Variants in SLC39A11 observed in about 807,000 individuals in gnomAD.
The protein encoded by SLC39A11 is solute carrier family 39 member 11, also known as zinc transporter ZIP11.
In SLC39A11, 33 loss-of-function variants were observed where a neutral mutation model predicts 36.1. The observed-to-expected ratio is 0.91, with a 90% CI of 0.69 to 1.22. The LOEUF (loss-of-function observed/expected upper bound fraction) is 1.22, where lower values mean the gene tolerates loss of function less well. Ranked by LOEUF, SLC39A11 falls within the 50% of genes most tolerant of loss-of-function variation. The pLI is 0.00. For missense variants in SLC39A11, 432 were observed against 430.3 expected (o/e 1.00, Z -0.03); for synonymous variants, 166 against 170.3 (o/e 0.97, Z 0.20).
At chr17:72,760,521 C>A (rs1317821055) in intron 6 of SLC39A11, among the ~76,000 whole-genome samples, 2 of 152,136 alleles carry the variant, frequency 1.3e-5, no homozygotes, top group African/African-American at 4.8e-5. Flanking sequence ...GGCCACTGAG[C>A]CAAGCCAATC....
chr17:72,652,836 C>T (rs191826597), intron 7 of SLC39A11, among the ~76,000 whole-genome samples: 231 of 152,286 alleles, frequency 1.5e-3, no homozygotes, highest in African/African-American at 5.4e-3. Flanking sequence ...AACCACTGTG[C>T]AACCTGAAGG....
intron 5 of SLC39A11, among the ~76,000 whole-genome samples, chr17:72,867,760 GCACA>G (rs887444124): frequency 0.022 from 1,778 of 80,498 alleles, 23 homozygotes; most frequent in Admixed American, 0.089. Context: ...AAGTGCGCGC[GCACA>G]CACACACACA....
chr17:72,903,176 G>A (rs1437027519), intron 5 of SLC39A11, among the ~76,000 whole-genome samples: 1 of 144,972 alleles, frequency 6.9e-6, no homozygotes, highest in East Asian at 2.2e-4. Context: ...TGAAGCAGGA[G>A]AACTATTTGA....
At chr17:72,930,053 TTC>T (rs991784112) in intron 5 of SLC39A11, among the ~76,000 whole-genome samples, 1 of 152,200 alleles carries the variant, frequency 6.6e-6, no homozygotes, top group Non-Finnish European at 1.5e-5. Context: ...AAAATACAGT[TTC>T]TGAGTTGAAA....
chr17:73,032,245 C>T lies in SLC39A11; in HGVS notation c.148-531G>A, dbSNP rs142689002. Among the ~76,000 whole-genome samples the T allele has an allele frequency of 5.3e-4, 80 of 150,794 alleles. 1 individual carries two copies. In the East Asian group the frequency reaches 0.014, roughly 27 times the overall value. ...TTTCTGAGATGGAGACTTTCTCTGT[C>T]ACCCAGGCTGGAGTGCAGTGGCACA... is the stretch of plus-strand genomic sequence containing the variant. On this transcript the variant is annotated intron_variant, in intron 3 of 9. Coordinates refer to ENST00000255559, the MANE Select transcript of SLC39A11 (RefSeq NM_139177.4).
At chr17:72,876,676 T>C (rs953161654) in intron 5 of SLC39A11, among the ~76,000 whole-genome samples, 3 of 152,200 alleles carry the variant, frequency 2.0e-5, no homozygotes, top group African/African-American at 7.2e-5. Context: ...GTGCTTCCTA[T>C]TGACCAACTC....
rs144564734 is a variant in SLC39A11, at chr17:72,906,438, C to A, written c.430+41314G>T. On this transcript the variant is annotated intron_variant, in intron 5 of 9. Coordinates refer to ENST00000255559, the MANE Select transcript of SLC39A11 (RefSeq NM_139177.4). ...GCTTCCTTCCTACCCAAAACCAGAA[C>A]GGGGCTTGGCTGGGTCTGTGCACAC... is the stretch of plus-strand genomic sequence containing the variant. Among the ~76,000 whole-genome samples, 665 of 152,332 alleles carry A rather than the reference C, an allele frequency of 4.4e-3. 4 individuals are homozygous for A. The highest frequency in any genetic ancestry group is 0.015 in the African/African-American group (636 of 41,576).
intron 4 of SLC39A11, among the ~76,000 whole-genome samples, chr17:73,027,877 T>C (rs539465345): frequency 1.3e-5 from 2 of 152,182 alleles, no homozygotes; most frequent in South Asian, 4.1e-4. Context: ...GACTTCCGCA[T>C]CTCCTTATTT....
chr17:72,870,825 C>T (rs973981518), intron 5 of SLC39A11, among the ~76,000 whole-genome samples: 5 of 152,172 alleles, frequency 3.3e-5, no homozygotes, highest in African/African-American at 7.2e-5. Flanking sequence ...CCCTGGCTGC[C>T]GCAATGTTAA....
At chr17:72,823,934 G>A (rs1466179516) in intron 6 of SLC39A11, 2 of 151,148 alleles carry the variant, frequency 1.3e-5, no homozygotes, top group Non-Finnish European at 3.0e-5. Context: ...TGAATAGATG[G>A]GATTCTAGGT....
At position 72,662,554 on chromosome 17, in the gene SLC39A11, AAAG is replaced by A. The variant is rs1344860896; in HGVS notation, c.672-13289_672-13287del. Reference sequence around the variant, plus strand: ...GAAAGAGAGAAAGAAAGAAAAGAAAAAAGAAAAGAAAAGAAAAAGGAAAGAAAG... The same window carrying A: ...GAAAGAGAGAAAGAAAGAAAAGAAAAAAAAGAAAAGAAAAAGGAAAGAAAG... On this transcript the variant is annotated intron_variant, in intron 7 of 9. Coordinates refer to ENST00000255559, the MANE Select transcript of SLC39A11 (RefSeq NM_139177.4). 7.5e-5 allele frequency among the ~76,000 whole-genome samples: 7 copies of A among 93,564 alleles called. No homozygotes were observed. In the East Asian group the frequency reaches 1.3e-3, roughly 18 times the overall value. The allele number at this position is 93,564 out of a possible 152,430, so 61.4% of individuals were successfully genotyped here.
At chr17:72,871,419 A>C (rs932924404) in intron 5 of SLC39A11, among the ~76,000 whole-genome samples, 1 of 152,138 alleles carries the variant, frequency 6.6e-6, no homozygotes, top group Non-Finnish European at 1.5e-5. Flanking sequence ...CCTTTTGGAA[A>C]GCCCTTAAGG....
intron 3 of SLC39A11, among the ~76,000 whole-genome samples, chr17:73,066,157 C>T (rs1269899820): frequency 6.6e-6 from 1 of 152,166 alleles, no homozygotes; most frequent in Non-Finnish European, 1.5e-5. Context: ...TGGAGCTCTT[C>T]CACTGCCATG....
At chr17:72,841,358 T>C (rs1426898909) in intron 6 of SLC39A11, among the ~76,000 whole-genome samples, 3 of 152,226 alleles carry the variant, frequency 2.0e-5, no homozygotes, top group Non-Finnish European at 2.9e-5. Flanking sequence ...TGGCGTATTA[T>C]TCAGCCACAT....
intron 5 of SLC39A11, among the ~76,000 whole-genome samples, chr17:72,901,214 G>A (rs76289789): frequency 0.027 from 4,145 of 152,354 alleles, 79 homozygotes; most frequent in Non-Finnish European, 0.041. Context: ...CTGGACTGCG[G>A]GAGCTGGAGC....
intron 3 of SLC39A11, among the ~76,000 whole-genome samples, chr17:73,083,605 C>T (rs1159708632): frequency 6.6e-6 from 1 of 152,132 alleles, no homozygotes; most frequent in Non-Finnish European, 1.5e-5. Context: ...TAACTCTCAG[C>T]TTACAGGAAA....
intron 3 of SLC39A11, among the ~76,000 whole-genome samples, chr17:73,071,005 C>T (rs899152685): frequency 6.6e-6 from 1 of 152,166 alleles, no homozygotes; most frequent in Non-Finnish European, 1.5e-5. Flanking sequence ...AGGGTCCCTC[C>T]ACCCCCCAAC....
chr17:72,933,239 A>G (rs1486783542), intron 5 of SLC39A11, among the ~76,000 whole-genome samples: 2 of 152,374 alleles, frequency 1.3e-5, no homozygotes, highest in Admixed American at 1.3e-4. Flanking sequence ...TGGAGGATAC[A>G]GGGCTAGCAC....
intron 6 of SLC39A11, among the ~76,000 whole-genome samples, chr17:72,764,763 C>T (rs898802439): frequency 1.3e-5 from 2 of 152,146 alleles, no homozygotes; most frequent in African/African-American, 4.8e-5. Context: ...TGCAATTTTG[C>T]AGCCCAGCAA....
Sources: allele counts gnomAD v4.1 joint callset (sites outside exome capture counted in the v4.1 genomes callset), GRCh38; gene constraint gnomAD v4.1.1; transcripts MANE v1.5; gene names NCBI Gene and HGNC (gene_info 2026-07-23, HGNC 2026-07-21).